The following STOX2 variants were observed in gnomAD, a reference collection of about 807,000 sequenced individuals.
STOX2 encodes storkhead box 2.
A neutral mutation model predicts 60.9 loss-of-function variants in STOX2; 28 were observed. The observed-to-expected ratio is 0.46, with a 90% CI of 0.34 to 0.63. The LOEUF is 0.63. Among genes scored for constraint, STOX2 ranks in the 30% least tolerant of loss-of-function variants. STOX2 has a pLI of 0.01. For synonymous variants in STOX2, 472 were observed against 463.9 expected (o/e 1.02, Z -0.22); for missense variants, 1,024 against 1,187.7 (o/e 0.86, Z 2.03).
chr4:184,017,264 G>A lies in STOX2; in HGVS notation c.2761G>A (p.Ala921Thr), dbSNP rs755970791. 1.3e-6 allele frequency: 2 copies of A among 1,599,112 alleles called. No homozygotes were observed. Among genetic ancestry groups the A allele is most frequent in the Non-Finnish European group, 1.7e-6 (2 of 1,172,638 alleles). The change falls in exon 4 of 4, where the codon GCT becomes ACT. Residue 921 changes from alanine to threonine, a missense_variant. Coordinates refer to ENST00000308497, the MANE Select transcript of STOX2 (RefSeq NM_020225.3). ...ACAGAAACCTTCCAACTGCTTGCAAGCTTCTGTTACTAGCGTGTGATTGTC... is the reference window on the plus strand; with the variant it reads ...ACAGAAACCTTCCAACTGCTTGCAAACTTCTGTTACTAGCGTGTGATTGTC... ...KLQKPSNCLQ[A>T]SVTSV
At chr4:183,902,091 A>G (rs1741475453), upstream of STOX2, among the ~76,000 whole-genome samples, 1 of 152,224 alleles carries the variant, frequency 6.6e-6, no homozygotes, top group South Asian at 2.1e-4. Flanking sequence ...GTAGTCATCA[A>G]ATATGTGCCA....
chr4:183,822,234 C>T (rs766101216), intron 1 of STOX2, among the ~76,000 whole-genome samples: 3 of 152,234 alleles, frequency 2.0e-5, no homozygotes, highest in African/African-American at 4.8e-5. Flanking sequence ...GCTAATGGAA[C>T]GCTGGCTGTA....
Position 184,017,386 on chromosome 4 carries a change from G to A in STOX2, c.*102G>A. ...TGGAAAGACAAGCATCTCAACCACA[G>A]TTTTTGTGTTTACTTAAACTGTGCT... On this transcript the variant is annotated 3_prime_UTR_variant, in exon 4 of 4. Coordinates refer to ENST00000308497, the MANE Select transcript of STOX2 (RefSeq NM_020225.3). The A allele has an allele frequency of 3.3e-6, 4 of 1,212,694 alleles. No homozygotes were observed. The East Asian group carries it at 1.1e-4, about 32-fold the overall frequency. 75.1% of individuals were successfully genotyped at this position (1,212,694 alleles called of 1,614,324 possible). A position where few individuals can be genotyped will look rare whatever the true frequency, so the allele number is the denominator to read the frequency against.
intron 1 of STOX2, chr4:183,988,751 C>G (rs1732957686): frequency 6.6e-6 from 1 of 152,614 alleles, no homozygotes; most frequent in South Asian, 2.1e-4. Context: ...GGATGCAGCT[C>G]CCTAGCATGC....
intron 1 of STOX2, among the ~76,000 whole-genome samples, chr4:183,824,563 TA>T (rs1046050107): frequency 1.1e-3 from 161 of 152,192 alleles, no homozygotes; most frequent in Non-Finnish European, 1.7e-3. Flanking sequence ...ATAATAAAAT[TA>T]AAAAAAGATA....
intron 1 of STOX2, among the ~76,000 whole-genome samples, chr4:183,891,361 TATATA>T (rs1741209277): frequency 1.5e-3 from 2 of 1,328 alleles, no homozygotes; most frequent in Non-Finnish European, 3.3e-3. Flanking sequence ...ATGGAATTTA[TATATA>T]TATATATATA....
chr4:183,982,329 T>A (rs181809211), intron 1 of STOX2, among the ~76,000 whole-genome samples: 31 of 152,246 alleles, frequency 2.0e-4, no homozygotes, highest in Non-Finnish European at 4.4e-4. Context: ...GTGTATTTTT[T>A]AAAAGTATTT....
At chr4:183,840,530 C>T (rs763530118) in intron 1 of STOX2, among the ~76,000 whole-genome samples, 3 of 152,234 alleles carry the variant, frequency 2.0e-5, no homozygotes, top group East Asian at 1.9e-4. Flanking sequence ...GTTTTCTGCA[C>T]GTTTGTGTTT....
At chr4:183,968,858 A>G (rs1027553343) in intron 1 of STOX2, among the ~76,000 whole-genome samples, 4 of 152,326 alleles carry the variant, frequency 2.6e-5, no homozygotes, top group East Asian at 1.9e-4. Flanking sequence ...AATTTTAAAG[A>G]CTTTCAATGA....
chr4:183,881,818 A>T (rs1218925911), intron 1 of STOX2, among the ~76,000 whole-genome samples: 2 of 152,232 alleles, frequency 1.3e-5, no homozygotes, highest in African/African-American at 4.8e-5. Flanking sequence ...GCGTGCCATC[A>T]TCTGCGTAGC....
chr4:183,930,649 C>T (rs774726100), intron 1 of STOX2, among the ~76,000 whole-genome samples: 13 of 152,106 alleles, frequency 8.5e-5, no homozygotes, highest in Non-Finnish European at 1.8e-4. Context: ...TGAGCCATTG[C>T]TCTGGCCATA....
intron 1 of STOX2, among the ~76,000 whole-genome samples, chr4:183,868,709 T>G (rs1740626574): frequency 6.6e-6 from 1 of 152,224 alleles, no homozygotes; most frequent in African/African-American, 2.4e-5. Context: ...TTCTCATGTC[T>G]TACTCGAATT....
chr4:183,899,218 T>C (rs1741409720), intron 1 of STOX2, among the ~76,000 whole-genome samples: 1 of 152,132 alleles, frequency 6.6e-6, no homozygotes, highest in Non-Finnish European at 1.5e-5. Context: ...CCTCTCTCTC[T>C]CCCTCTGCTC....
intron 1 of STOX2, chr4:183,960,330 T>G (rs986470105): frequency 2.6e-5 from 4 of 152,206 alleles, no homozygotes; most frequent in Non-Finnish European, 5.9e-5. Context: ...AGCTCCTGCC[T>G]CCAAAAGACT....
At chr4:183,869,957 C>T (rs988881235) in intron 1 of STOX2, among the ~76,000 whole-genome samples, 1 of 152,156 alleles carries the variant, frequency 6.6e-6, no homozygotes, top group African/African-American at 2.4e-5. Flanking sequence ...GCTTCTGATT[C>T]ACAAGCAGGC....
chr4:183,932,671 T>G (rs780115709), intron 1 of STOX2, among the ~76,000 whole-genome samples: 25 of 152,166 alleles, frequency 1.6e-4, no homozygotes, highest in Admixed American at 1.2e-3. Flanking sequence ...TGTGACTCAC[T>G]TAAGGGCTCA....
intron 1 of STOX2, among the ~76,000 whole-genome samples, chr4:183,811,845 T>C (rs1291987438): frequency 6.6e-6 from 1 of 152,194 alleles, no homozygotes; most frequent in Non-Finnish European, 1.5e-5. Flanking sequence ...CAAAATTTCT[T>C]TGTTTTCTTA....
At chr4:183,866,137 G>A (rs1411330076) in intron 1 of STOX2, among the ~76,000 whole-genome samples, 1 of 152,106 alleles carries the variant, frequency 6.6e-6, no homozygotes, top group African/African-American at 2.4e-5. Context: ...ATTCTTTGCG[G>A]TGAAGGAATA....
chr4:183,946,253 A>G (rs904039900), intron 1 of STOX2, among the ~76,000 whole-genome samples: 1 of 152,216 alleles, frequency 6.6e-6, no homozygotes, highest in African/African-American at 2.4e-5. Context: ...TTGCTGTGCG[A>G]CTTCAGGCAA....
Sources: allele counts gnomAD v4.1 joint callset (sites outside exome capture counted in the v4.1 genomes callset), GRCh38; gene constraint gnomAD v4.1.1; transcripts MANE v1.5; gene names NCBI Gene and HGNC (gene_info 2026-07-23, HGNC 2026-07-21).